OLA1: variants seen among roughly 807,000 people sequenced by gnomAD.
OLA1 encodes the protein Obg like ATPase 1, also known as obg-like ATPase 1.
In OLA1, 14 loss-of-function variants were observed where a neutral mutation model predicts 48.4. The observed-to-expected ratio is 0.29, with a 90% confidence interval of 0.19 to 0.45. OLA1 has a LOEUF of 0.45. Among genes scored for constraint, OLA1 ranks in the 20% least tolerant of loss-of-function variants. The pLI is 1.00. For synonymous variants in OLA1, 127 were observed against 150.4 expected (o/e 0.84, Z 1.14); for missense variants, 325 against 467.1 (o/e 0.70, Z 2.80).
intron 3 of OLA1, among the ~76,000 whole-genome samples, chr2:174,227,794 A>G (rs1344148874): frequency 6.6e-6 from 1 of 152,228 alleles, no homozygotes; most frequent in Non-Finnish European, 1.5e-5. Flanking sequence ...TGAAGGAGGA[A>G]TGATAGAATT....
rs370618798 is a variant in OLA1, at chr2:174,109,640, T to C, written c.728+13540A>G. ...ATATCCTCTTTCTTGGTCTCTTTCT[T>C]TTCTGTCTCTATTTCAATTTGGCCT... On this transcript the variant is annotated intron_variant, in intron 7 of 10. Transcript: ENST00000284719. 2.4e-4 allele frequency among the ~76,000 whole-genome samples: 37 copies of C among 152,338 alleles called. No homozygotes were observed. The East Asian group carries it at 4.1e-3, about 17-fold the overall frequency.
rs563138931 is a variant in OLA1, at chr2:174,197,545, A to G, written c.373+25488T>C. On this transcript the variant is annotated intron_variant, in intron 4 of 10. Coordinates refer to ENST00000284719, the MANE Select transcript of OLA1 (RefSeq NM_013341.5). ...ACTCCAATGAAGCCCAGGGGGGAAA[A>G]TTTTTGATTAGGAATGAATTACACT... Among the ~76,000 whole-genome samples, 6 of 152,140 alleles carry G rather than the reference A, an allele frequency of 3.9e-5. No individual in the cohort carries two copies. In the East Asian group the frequency reaches 7.7e-4, roughly 20 times the overall value.
chr2:174,089,630 A>G (rs1471650823), intron 7 of OLA1, among the ~76,000 whole-genome samples: 2 of 152,092 alleles, frequency 1.3e-5, no homozygotes, highest in Non-Finnish European at 2.9e-5. Context: ...GGCTGGGTGC[A>G]GTGGCTCATG....
chr2:174,135,903 G>A (rs1409274255), intron 5 of OLA1, among the ~76,000 whole-genome samples: 6 of 152,174 alleles, frequency 3.9e-5, no homozygotes, highest in Non-Finnish European at 5.9e-5. Context: ...AGTGAGTATC[G>A]CTATAAAGCA....
intron 2 of OLA1, among the ~76,000 whole-genome samples, chr2:174,241,392 T>C (rs560726443): frequency 6.6e-6 from 1 of 152,380 alleles, no homozygotes; most frequent in East Asian, 1.9e-4. Context: ...AATTCTCTTG[T>C]GATTTTTTCT....
At chr2:174,144,321 A>G (rs1307243764) in intron 4 of OLA1, among the ~76,000 whole-genome samples, 1 of 152,106 alleles carries the variant, frequency 6.6e-6, no homozygotes, top group Non-Finnish European at 1.5e-5. Context: ...TATTATTGTT[A>G]TATTCCTTTG....
At chr2:174,153,228 C>G (rs1031669658) in intron 4 of OLA1, among the ~76,000 whole-genome samples, 1 of 152,000 alleles carries the variant, frequency 6.6e-6, no homozygotes, top group African/African-American at 2.4e-5. Flanking sequence ...AATTCCAAAC[C>G]TTGAGATAAA....
chr2:174,182,300 G>A (rs1285972352), intron 4 of OLA1, among the ~76,000 whole-genome samples: 12 of 152,132 alleles, frequency 7.9e-5, no homozygotes, highest in African/African-American at 2.9e-4. Context: ...CGAGGTGGGC[G>A]GAACACCTGA....
intron 4 of OLA1, among the ~76,000 whole-genome samples, chr2:174,195,971 A>C (rs1687870373): frequency 6.6e-6 from 1 of 152,150 alleles, no homozygotes; most frequent in African/African-American, 2.4e-5. Context: ...TAGTACTGTT[A>C]ACTTACTCAA....
intron 4 of OLA1, among the ~76,000 whole-genome samples, chr2:174,177,023 G>GTGC (rs1222826957): frequency 1.3e-5 from 2 of 152,068 alleles, no homozygotes; most frequent in African/African-American, 4.8e-5. Context: ...TACCACAGGA[G>GTGC]TGCTGATTAC....
At chr2:174,137,076 T>G (rs768626590) in intron 5 of OLA1, among the ~76,000 whole-genome samples, 18 of 152,234 alleles carry the variant, frequency 1.2e-4, no homozygotes, top group African/African-American at 4.3e-4. Context: ...TACAGTCTTA[T>G]GAAATGTATT....
chr2:174,228,032 T>G (rs966400409), intron 3 of OLA1, among the ~76,000 whole-genome samples: 2 of 152,144 alleles, frequency 1.3e-5, no homozygotes, highest in Non-Finnish European at 2.9e-5. Flanking sequence ...ACAGTGCTAT[T>G]TATTGAGTTA....
chr2:174,105,009 T>C (rs1260416501), intron 7 of OLA1, among the ~76,000 whole-genome samples: 2 of 151,934 alleles, frequency 1.3e-5, no homozygotes, highest in African/African-American at 4.8e-5. Flanking sequence ...TGGCCTTCAC[T>C]GCAAATCTAC....
intron 4 of OLA1, among the ~76,000 whole-genome samples, chr2:174,220,715 T>C (rs1328052058): frequency 6.6e-6 from 1 of 152,214 alleles, no homozygotes; most frequent in Non-Finnish European, 1.5e-5. Context: ...ACAATGTATA[T>C]ATTTTACATA....
At chr2:174,201,084 T>G (rs1414815103) in intron 4 of OLA1, among the ~76,000 whole-genome samples, 2 of 152,212 alleles carry the variant, frequency 1.3e-5, no homozygotes, top group African/African-American at 4.8e-5. Context: ...TTCCTAGAAA[T>G]GCTTGTCGGC....
intron 4 of OLA1, among the ~76,000 whole-genome samples, chr2:174,204,968 T>C (rs1453603571): frequency 6.6e-6 from 1 of 152,142 alleles, no homozygotes; most frequent in Non-Finnish European, 1.5e-5. Flanking sequence ...ATCAATAAAT[T>C]CCCTTCCCTG....
intron 7 of OLA1, among the ~76,000 whole-genome samples, chr2:174,122,166 G>A (rs755318199): frequency 1.2e-4 from 19 of 152,210 alleles, no homozygotes; most frequent in South Asian, 2.1e-4. Flanking sequence ...CAATAAAGAG[G>A]CTAAATTCAT....
intron 4 of OLA1, among the ~76,000 whole-genome samples, chr2:174,205,970 C>G (rs202017806): frequency 1.3e-5 from 2 of 152,134 alleles, no homozygotes; most frequent in African/African-American, 4.8e-5. Context: ...ATGGCACTAC[C>G]AAGCCATAAG....
intron 4 of OLA1, among the ~76,000 whole-genome samples, chr2:174,191,045 G>C (rs1245546590): frequency 6.9e-6 from 1 of 145,836 alleles, no homozygotes; most frequent in Non-Finnish European, 1.5e-5. Context: ...GAGCTCTATT[G>C]TACATAACAG....
Sources: allele counts gnomAD v4.1 joint callset (sites outside exome capture counted in the v4.1 genomes callset), GRCh38; gene constraint gnomAD v4.1.1; transcripts MANE v1.5; gene names NCBI Gene and HGNC (gene_info 2026-07-23, HGNC 2026-07-21).